ASH1L: variants seen among roughly 807,000 people sequenced by gnomAD.
The protein encoded by ASH1L is histone-lysine N-methyltransferase ASH1L.
Under a neutral mutation model 269.0 loss-of-function variants are expected in ASH1L, and 23 were observed. That is an observed-to-expected ratio of 0.09 (90% CI 0.06 to 0.12). The LOEUF is 0.12. Ranked by LOEUF, ASH1L falls within the 10% of genes least tolerant of loss-of-function variation. The pLI is 1.00. For synonymous variants in ASH1L, 1,187 were observed against 1,253.5 expected, an observed-to-expected ratio of 0.95 and a Z score of 1.12; for missense variants, 2,912 against 3,567.8, an observed-to-expected ratio of 0.82 and a Z score of 4.68.
intron 1 of ASH1L, among the ~76,000 whole-genome samples, chr1:155,559,042 C>T (rs565838661): frequency 6.6e-6 from 1 of 151,932 alleles, no homozygotes; most frequent in African/African-American, 2.4e-5. Flanking sequence ...CGGGGTTTTG[C>T]CACGTTGGCC....
At chr1:155,380,967 T>C (rs1468808710) in intron 7 of ASH1L, among the ~76,000 whole-genome samples, 1 of 152,024 alleles carries the variant, frequency 6.6e-6, no homozygotes. Flanking sequence ...ATACATATAG[T>C]CATGTGCCAA....
chr1:155,534,289 G>A (rs899447025), intron 1 of ASH1L, among the ~76,000 whole-genome samples: 9 of 150,046 alleles, frequency 6.0e-5, no homozygotes, highest in Non-Finnish European at 1.3e-4. Flanking sequence ...GCTGAGGAAG[G>A]AAGATTATTC....
chr1:155,371,021 G>T, intron 10 of ASH1L, 38 bp from the exon 11 acceptor site: 1 of 1,579,002 alleles, frequency 6.3e-7, no homozygotes, highest in Non-Finnish European at 8.7e-7. Context: ...CAACTTACAT[G>T]ATACATACCT....
At chr1:155,451,474 G>T (rs1292055628) in intron 4 of ASH1L, among the ~76,000 whole-genome samples, 2 of 151,956 alleles carry the variant, frequency 1.3e-5, no homozygotes, top group Non-Finnish European at 2.9e-5. Flanking sequence ...GAAATGGGGA[G>T]TCTAGGCAGG....
intron 21 of ASH1L, 117 bp downstream of exon 21, chr1:155,346,266 C>T (rs186154393): frequency 6.4e-7 from 1 of 1,562,370 alleles, no homozygotes; most frequent in East Asian, 2.3e-5. Flanking sequence ...AACCAAGGCC[C>T]AGAGAGGCTG....
intron 2 of ASH1L, among the ~76,000 whole-genome samples, chr1:155,488,927 T>C (rs1017088475): frequency 2.6e-5 from 4 of 152,112 alleles, no homozygotes; most frequent in African/African-American, 9.7e-5. Context: ...AAAGTATAAA[T>C]AATACCTTTC....
At chr1:155,410,389 T>C (rs1659667135) in intron 6 of ASH1L, among the ~76,000 whole-genome samples, 1 of 152,078 alleles carries the variant, frequency 6.6e-6, no homozygotes, top group Non-Finnish European at 1.5e-5. Flanking sequence ...CTGCAACCTC[T>C]GCCTCCGGAG....
chr1:155,378,456 G>A, intron 9 of ASH1L, 47 bp downstream of exon 9: 1 of 1,608,888 alleles, frequency 6.2e-7, no homozygotes, highest in African/African-American at 1.3e-5. Flanking sequence ...AGGCTCAGAA[G>A]AACATTAACG....
chr1:155,455,221 A>G (rs1289460615), intron 4 of ASH1L, among the ~76,000 whole-genome samples: 1 of 152,190 alleles, frequency 6.6e-6, no homozygotes, highest in Non-Finnish European at 1.5e-5. Flanking sequence ...GCAAATACTC[A>G]TTTCAGAAAT....
chr1:155,542,501 G>C (rs558740142), intron 1 of ASH1L, among the ~76,000 whole-genome samples: 1 of 151,396 alleles, frequency 6.6e-6, no homozygotes, highest in Non-Finnish European at 1.5e-5. Context: ...GTGAGCCCAG[G>C]TTGCGCCACT....
At chr1:155,441,521 G>A (rs1426996159) in intron 4 of ASH1L, among the ~76,000 whole-genome samples, 1 of 133,940 alleles carries the variant, frequency 7.5e-6, no homozygotes, top group East Asian at 2.1e-4. Context: ...GGAGTGCAGT[G>A]GCATGAACTT....
At chr1:155,372,664 G>A (rs1656072422) in intron 10 of ASH1L, among the ~76,000 whole-genome samples, 1 of 151,606 alleles carries the variant, frequency 6.6e-6, no homozygotes, top group Non-Finnish European at 1.5e-5. Context: ...AGACTGGGGT[G>A]CAGTGGCCTG....
intron 1 of ASH1L, among the ~76,000 whole-genome samples, chr1:155,525,278 CAAAAAAT>C (rs1669172961): frequency 6.6e-6 from 1 of 151,726 alleles, no homozygotes; most frequent in Admixed American, 6.6e-5. Context: ...AACTCTAAAA[CAAAAAAT>C]AAAAAGTACA....
chr1:155,358,557 A>G (rs1421151104), intron 13 of ASH1L, among the ~76,000 whole-genome samples: 2 of 151,962 alleles, frequency 1.3e-5, no homozygotes, highest in Non-Finnish European at 2.9e-5. Flanking sequence ...GTGTGGTGAC[A>G]GGCACCTGTA....
Position 155,562,338 on chromosome 1 carries a change from A to G in ASH1L, c.-285T>C. The G allele has an allele frequency of 1.3e-6, 2 of 1,556,510 alleles. No individual in the cohort carries two copies. The highest frequency in any genetic ancestry group is 1.1e-5 in the South Asian group (1 of 88,174). On this transcript the variant is annotated 5_prime_UTR_variant, in exon 1 of 28. Transcript: ENST00000392403. ...GAGGAGAAGGGAAAGGTGGAAGGCTAAAGGGGGCAAACTGAGGGGAGGCGG... is the reference window on the plus strand; with the variant it reads ...GAGGAGAAGGGAAAGGTGGAAGGCTGAAGGGGGCAAACTGAGGGGAGGCGG...
chr1:155,370,413 T>A (rs1655839483), intron 12 of ASH1L, 91 bp downstream of exon 12: 6 of 1,548,554 alleles, frequency 3.9e-6, no homozygotes, highest in Non-Finnish European at 5.3e-6. Flanking sequence ...CTGCTTTGTG[T>A]AAGCTGACTG....
At chr1:155,494,707 G>A (rs192840787) in intron 2 of ASH1L, among the ~76,000 whole-genome samples, 1 of 152,270 alleles carries the variant, frequency 6.6e-6, no homozygotes, top group East Asian at 1.9e-4. Context: ...AGTTTAGTTT[G>A]AGACATGTTA....
Position 155,395,448 on chromosome 1 carries a change from T to C in ASH1L, c.6103+11A>G, listed in dbSNP as rs1388302324. On this transcript the variant is annotated intron_variant, in intron 7 of 27. Coordinates refer to ENST00000392403, the MANE Select transcript of ASH1L (RefSeq NM_018489.3). ...CTTCTCAGCAATACATTGTGTGGAC[T>C]CGGTACTTACCAACATGAATGGGCG... 7.6e-6 allele frequency: 12 copies of C among 1,587,842 alleles called. No homozygotes were observed. In the Admixed American group the frequency reaches 1.9e-4, roughly 26 times the overall value.
chr1:155,535,144 G>A (rs906481745), intron 1 of ASH1L, among the ~76,000 whole-genome samples: 5 of 150,986 alleles, frequency 3.3e-5, no homozygotes, highest in African/African-American at 4.9e-5. Context: ...AGCCAAGATC[G>A]TGCCATTGCA....
Sources: allele counts gnomAD v4.1 joint callset (sites outside exome capture counted in the v4.1 genomes callset), GRCh38; gene constraint gnomAD v4.1.1; transcripts MANE v1.5; gene names NCBI Gene and HGNC (gene_info 2026-07-23, HGNC 2026-07-21).